The following COL25A1 variants were observed in gnomAD, a reference collection of about 807,000 sequenced individuals.
COL25A1 encodes the protein collagen alpha-1(XXV) chain.
COL25A1 carries 103 observed loss-of-function variants against 128.4 expected under a neutral mutation model. That is an observed-to-expected ratio of 0.80 (90% CI 0.68 to 0.94). The LOEUF (loss-of-function observed/expected upper bound fraction) is 0.94. Ranked by LOEUF, COL25A1 falls within the 40% of genes least tolerant of loss-of-function variation. The probability of loss-of-function intolerance (pLI) is 0.00; values close to 1 mark genes in which losing one functional copy is unlikely to be tolerated. For missense variants in COL25A1, 745 were observed against 840.0 expected (o/e 0.89, Z 1.40); for synonymous variants, 279 against 277.2 (o/e 1.01, Z -0.06).
At chr4:108,990,240 ATATATAT>A (rs1479976834) in intron 6 of COL25A1, among the ~76,000 whole-genome samples, 39 of 13,594 alleles carry the variant, frequency 2.9e-3, no homozygotes, top group African/African-American at 8.4e-3. Flanking sequence ...AAAAAAAAAA[ATATATAT>A]ATATATATAT....
intron 3 of COL25A1, among the ~76,000 whole-genome samples, chr4:109,138,986 C>T (rs1770110065): frequency 6.6e-6 from 1 of 152,186 alleles, no homozygotes; most frequent in Non-Finnish European, 1.5e-5. Flanking sequence ...GGATTACACG[C>T]ATGAGCCACC....
intron 3 of COL25A1, among the ~76,000 whole-genome samples, chr4:109,152,984 T>C (rs1243493102): frequency 6.6e-6 from 1 of 152,166 alleles, no homozygotes; most frequent in East Asian, 1.9e-4. Flanking sequence ...ACAACCTGAA[T>C]GTACCGCAAA....
chr4:109,011,383 T>C (rs1165989694), intron 5 of COL25A1, among the ~76,000 whole-genome samples: 2 of 151,690 alleles, frequency 1.3e-5, no homozygotes, highest in South Asian at 2.1e-4. Context: ...TCACTGGGGA[T>C]AGAACAGATG....
intron 6 of COL25A1, among the ~76,000 whole-genome samples, chr4:108,979,401 G>C (rs1752741119): frequency 6.6e-6 from 1 of 152,184 alleles, no homozygotes; most frequent in African/African-American, 2.4e-5. Context: ...TGGAAATACA[G>C]CTGGAAAAGA....
chr4:108,880,161 C>G (rs2125828787), intron 19 of COL25A1, among the ~76,000 whole-genome samples: 1 of 152,244 alleles, frequency 6.6e-6, no homozygotes, highest in Non-Finnish European at 1.5e-5. Context: ...TTGACTGGAG[C>G]CTGGAGAATT....
chr4:108,909,251 T>G (rs1460749248), intron 13 of COL25A1, among the ~76,000 whole-genome samples: 1 of 152,240 alleles, frequency 6.6e-6, no homozygotes, highest in Non-Finnish European at 1.5e-5. Flanking sequence ...TATCTTTCAC[T>G]GTCATAATTT....
intron 3 of COL25A1, among the ~76,000 whole-genome samples, chr4:109,273,901 T>A (rs921333280): frequency 1.3e-5 from 2 of 152,216 alleles, no homozygotes; most frequent in Admixed American, 6.5e-5. Context: ...GTAAAAAAAA[T>A]GAAAACAAAT....
At chr4:108,950,565 T>G (rs1749299190) in intron 8 of COL25A1, among the ~76,000 whole-genome samples, 1 of 152,178 alleles carries the variant, frequency 6.6e-6, no homozygotes, top group South Asian at 2.1e-4. Context: ...TATATTTTCC[T>G]TTTCTAAAGA....
At chr4:109,128,446 G>C (rs576993287) in intron 3 of COL25A1, among the ~76,000 whole-genome samples, 158 of 152,248 alleles carry the variant, frequency 1.0e-3, no homozygotes, top group Non-Finnish European at 1.7e-3. Flanking sequence ...TGACCTGTGG[G>C]TCCCTGCTTC....
chr4:109,127,222 C>A (rs561984320), intron 3 of COL25A1, among the ~76,000 whole-genome samples: 13 of 152,312 alleles, frequency 8.5e-5, no homozygotes, highest in African/African-American at 2.6e-4. Context: ...ACCATGCCTT[C>A]ATTCCTTAGT....
intron 16 of COL25A1, among the ~76,000 whole-genome samples, chr4:108,896,441 A>G (rs1165421861): frequency 6.6e-6 from 1 of 152,150 alleles, no homozygotes; most frequent in Non-Finnish European, 1.5e-5. Flanking sequence ...ATAATTTTTG[A>G]TATATCATTT....
intron 3 of COL25A1, among the ~76,000 whole-genome samples, chr4:109,283,047 G>A (rs1328672920): frequency 6.6e-6 from 1 of 152,070 alleles, no homozygotes; most frequent in Non-Finnish European, 1.5e-5. Context: ...ATGAACATAA[G>A]AACAAGCTGT....
chr4:108,956,010 A>AC (rs1310111404), intron 8 of COL25A1, among the ~76,000 whole-genome samples: 1 of 152,128 alleles, frequency 6.6e-6, no homozygotes, highest in East Asian at 1.9e-4. Context: ...CATTCGTATC[A>AC]TTTTTTTGGG....
intron 31 of COL25A1, among the ~76,000 whole-genome samples, chr4:108,833,000 T>TAAATAAATAAATAAATAAAC (rs1336061670): frequency 1.3e-5 from 2 of 151,870 alleles, no homozygotes; most frequent in Non-Finnish European, 2.9e-5. Flanking sequence ...AATAAATAAA[T>TAAATAAATAAATAAATAAAC]AAAGCATCTT....
chr4:109,249,191 TA>T (rs891500892), intron 3 of COL25A1, among the ~76,000 whole-genome samples: 1 of 152,206 alleles, frequency 6.6e-6, no homozygotes, highest in African/African-American at 2.4e-5. Context: ...GACTCTTCTC[TA>T]AATTCTTACA....
At position 109,057,421 on chromosome 4, in the gene COL25A1, A is replaced by ATTTTTTTTTTTTTTTTTTTT. The variant is rs776941019; in HGVS notation, c.368-7262_368-7243dup. ...TAGCTGGGACCACCATGCCTAGCTA[A>ATTTTTTTTTTTTTTTTTTTT]TTTTTTTTTTTTTTTTTTTTTTTTT... On this transcript the variant is annotated intron_variant, in intron 3 of 37. Coordinates refer to ENST00000399132, the MANE Select transcript of COL25A1 (RefSeq NM_198721.4). Among the ~76,000 whole-genome samples, 43 of 20,244 alleles carry ATTTTTTTTTTTTTTTTTTTT rather than the reference A, an allele frequency of 2.1e-3. 4 individuals carry two copies. The highest frequency in any genetic ancestry group is 2.4e-3 in the Non-Finnish European group (27 of 11,478). The allele number at this position is 20,244 out of a possible 152,430, so 13.3% of individuals were successfully genotyped here.
Position 109,010,370 on chromosome 4 carries a change from C to T in COL25A1, c.426G>A (p.Gln142=). 2 of 1,577,282 alleles carry T rather than the reference C, an allele frequency of 1.3e-6. No homozygotes were observed. Among genetic ancestry groups the T allele is most frequent in the Admixed American group, 2.0e-5 (1 of 51,178 alleles). The change falls in exon 6 of 38, where the codon CAG becomes CAA. Residue 142 remains glutamine, a synonymous_variant. Transcript: ENST00000399132. ...AGAATTACCTTACCTGAGGACCAGG[C>T]TGTCCCTGAAATTAAAAAGAAAAAG... ...GRRGESGPPG[Q]PGPQGPPGPK... is the part of the protein sequence containing the mutation.
intron 5 of COL25A1, among the ~76,000 whole-genome samples, chr4:109,030,455 G>T (rs988169896): frequency 3.3e-5 from 5 of 152,198 alleles, no homozygotes; most frequent in African/African-American, 1.2e-4. Flanking sequence ...GGCTTTGGGT[G>T]ACAGGTCTAG....
At chr4:109,072,107 C>A (rs1238391601) in intron 3 of COL25A1, among the ~76,000 whole-genome samples, 1 of 152,108 alleles carries the variant, frequency 6.6e-6, no homozygotes, top group Non-Finnish European at 1.5e-5. Flanking sequence ...AAATACAACT[C>A]CTGGGCTAAG....
Sources: allele counts gnomAD v4.1 joint callset (sites outside exome capture counted in the v4.1 genomes callset), GRCh38; gene constraint gnomAD v4.1.1; transcripts MANE v1.5; gene names NCBI Gene and HGNC (gene_info 2026-07-23, HGNC 2026-07-21).